SPAG16: variants seen among roughly 807,000 people sequenced by gnomAD.
SPAG16 encodes sperm-associated antigen 16 protein.
Under a neutral mutation model 80.4 loss-of-function variants are expected in SPAG16, and 86 were observed. The observed-to-expected ratio is 1.07, with a 90% CI of 0.90 to 1.28. SPAG16 has a LOEUF of 1.28. Among genes scored for constraint, SPAG16 ranks in the 50% most tolerant of loss-of-function variants. The pLI, the probability that SPAG16 is intolerant of heterozygous loss-of-function variation, is 0.00. For missense variants in SPAG16, 870 were observed against 765.3 expected, an observed-to-expected ratio of 1.14 and a Z score of -1.61; for synonymous variants, 294 against 265.9, an observed-to-expected ratio of 1.11 and a Z score of -1.03.
intron 10 of SPAG16, among the ~76,000 whole-genome samples, chr2:213,779,912 A>T (rs933398675): frequency 6.6e-6 from 1 of 152,240 alleles, no homozygotes; most frequent in Non-Finnish European, 1.5e-5. Context: ...AAGGGAATGA[A>T]GTAAACTTAA....
chr2:214,248,287 ATATTATTATTATTATTATTAT>A (rs71975870), intron 15 of SPAG16, among the ~76,000 whole-genome samples: 17 of 138,548 alleles, frequency 1.2e-4, no homozygotes, highest in African/African-American at 2.4e-4. Context: ...TACTATTCTT[ATATTATTATTATTATTATTAT>A]TATTATTATT....
At chr2:214,384,912 A>T (rs533936766) in intron 15 of SPAG16, among the ~76,000 whole-genome samples, 22 of 152,322 alleles carry the variant, frequency 1.4e-4, no homozygotes, top group Admixed American at 9.1e-4. Context: ...AAGTCCTCAT[A>T]CTTGAAACAC....
chr2:214,370,091 C>G (rs536389697), intron 15 of SPAG16, among the ~76,000 whole-genome samples: 119 of 152,228 alleles, frequency 7.8e-4, no homozygotes, highest in African/African-American at 2.7e-3. Context: ...TCTCTTTTAA[C>G]TATCTTCCCA....
At position 214,177,905 on chromosome 2, in the gene SPAG16, A is replaced by ATG. The variant is rs1318655495; in HGVS notation, c.1720+28640_1720+28641insGT. Among the ~76,000 whole-genome samples the ATG allele has an allele frequency of 1.9e-4, 18 of 93,468 alleles. 1 individual carries two copies. The Admixed American group carries it at 2.0e-3, about 10-fold the overall frequency. The allele number at this position is 93,468 out of a possible 152,430, so 61.3% of individuals were successfully genotyped here. On this transcript the variant is annotated intron_variant, in intron 15 of 15. Coordinates refer to ENST00000331683, the MANE Select transcript of SPAG16 (RefSeq NM_024532.5). ...AAAAGCAGAATATATATATACATATATATATATATACATATATATATATAT... is the reference window on the plus strand; with the variant it reads ...AAAAGCAGAATATATATATACATATATGTATATATATACATATATATATATAT...
At chr2:213,791,340 T>A (rs1392247081) in intron 10 of SPAG16, among the ~76,000 whole-genome samples, 1 of 152,012 alleles carries the variant, frequency 6.6e-6, no homozygotes. Context: ...TTTTGAATCA[T>A]GAGGCATTTT....
chr2:213,737,260 TC>T (rs1268507642), intron 10 of SPAG16, among the ~76,000 whole-genome samples: 1 of 152,206 alleles, frequency 6.6e-6, no homozygotes, highest in East Asian at 1.9e-4. Flanking sequence ...TTCACACTAT[TC>T]TATTCACGTT....
intron 11 of SPAG16, among the ~76,000 whole-genome samples, chr2:213,913,571 ATATATATGTACATGTACATATATG>A (rs1337146554): frequency 0.017 from 1,874 of 111,972 alleles, 89 homozygotes; most frequent in African/African-American, 0.054. Context: ...CTGTGTGTGT[ATATATATGTACATGTACATATATG>A]TATATGTACA....
intron 10 of SPAG16, among the ~76,000 whole-genome samples, chr2:213,647,933 T>C (rs1574639467): frequency 6.6e-6 from 1 of 152,102 alleles, no homozygotes; most frequent in Admixed American, 6.6e-5. Flanking sequence ...TCATAGGAGG[T>C]AGATGTGTTA....
At chr2:213,403,254 G>A (rs1169150489) in intron 9 of SPAG16, among the ~76,000 whole-genome samples, 11 of 151,978 alleles carry the variant, frequency 7.2e-5, no homozygotes, top group South Asian at 2.1e-4. Context: ...CATATCCTTC[G>A]CCCACTTTTT....
chr2:213,771,097 A>G (rs1347001288), intron 10 of SPAG16, among the ~76,000 whole-genome samples: 1 of 152,064 alleles, frequency 6.6e-6, no homozygotes, highest in Non-Finnish European at 1.5e-5. Context: ...AAGTGTTCCT[A>G]TTTCTCCACA....
intron 10 of SPAG16, among the ~76,000 whole-genome samples, chr2:213,500,654 T>G (rs2074701595): frequency 6.6e-6 from 1 of 152,218 alleles, no homozygotes; most frequent in African/African-American, 2.4e-5. Flanking sequence ...TTATTGACTA[T>G]GGGCCTAGAA....
intron 15 of SPAG16, among the ~76,000 whole-genome samples, chr2:214,334,676 T>C (rs1697155097): frequency 6.6e-6 from 1 of 152,136 alleles, no homozygotes; most frequent in African/African-American, 2.4e-5. Flanking sequence ...GGTTTCAGAG[T>C]CCTTCTAATG....
chr2:213,733,405 T>G (rs1203829697), intron 10 of SPAG16, among the ~76,000 whole-genome samples: 1 of 151,846 alleles, frequency 6.6e-6, no homozygotes. Flanking sequence ...AATATCCCAA[T>G]AAAGGTGGGG....
chr2:214,189,477 C>T (rs553627729), intron 15 of SPAG16, among the ~76,000 whole-genome samples: 33 of 152,006 alleles, frequency 2.2e-4, no homozygotes, highest in Non-Finnish European at 4.1e-4. Context: ...TTTTAAATGC[C>T]AGTCAGGTAA....
chr2:214,197,973 A>C (rs766031810), intron 15 of SPAG16, among the ~76,000 whole-genome samples: 1 of 152,052 alleles, frequency 6.6e-6, no homozygotes, highest in African/African-American at 2.4e-5. Context: ...CATTGGGTGA[A>C]AATGGCCCAA....
intron 13 of SPAG16, among the ~76,000 whole-genome samples, chr2:214,080,613 A>AC (rs1237281249): frequency 6.6e-6 from 1 of 151,384 alleles, no homozygotes; most frequent in Non-Finnish European, 1.5e-5. Context: ...GTCTCAAAAA[A>AC]AAAAAAAAAT....
intron 15 of SPAG16, among the ~76,000 whole-genome samples, chr2:214,390,863 A>G (rs564314312): frequency 6.6e-6 from 1 of 152,224 alleles, no homozygotes; most frequent in Non-Finnish European, 1.5e-5. Context: ...AGACAAGGCC[A>G]TGTACAAAAT....
chr2:214,018,127 T>G (rs895360409), intron 13 of SPAG16, among the ~76,000 whole-genome samples: 2 of 152,096 alleles, frequency 1.3e-5, no homozygotes, highest in Non-Finnish European at 2.9e-5. Flanking sequence ...TAATATAAAT[T>G]GTTAACGAAA....
intron 10 of SPAG16, among the ~76,000 whole-genome samples, chr2:213,550,988 A>G (rs896215148): frequency 2.0e-5 from 3 of 152,152 alleles, no homozygotes; most frequent in African/African-American, 4.8e-5. Context: ...ATGTATTACT[A>G]TAATTGAGAG....
Sources: allele counts gnomAD v4.1 joint callset (sites outside exome capture counted in the v4.1 genomes callset), GRCh38; gene constraint gnomAD v4.1.1; transcripts MANE v1.5; gene names NCBI Gene and HGNC (gene_info 2026-07-23, HGNC 2026-07-21).